The following FKBP15 variants were observed in gnomAD, a reference collection of about 807,000 sequenced individuals.
FKBP15 encodes FK506-binding protein 15.
Under a neutral mutation model 158.1 loss-of-function variants are expected in FKBP15, and 106 were observed. The ratio of observed to expected loss-of-function variants is 0.67; its 90% confidence interval spans 0.57 to 0.79. FKBP15 has a LOEUF of 0.79. Among genes scored for constraint, FKBP15 ranks in the 30% least tolerant of loss-of-function variants. FKBP15 has a pLI of 0.00. For synonymous variants in FKBP15, 547 were observed against 548.6 expected, an observed-to-expected ratio of 1.00 and a Z score of 0.04; for missense variants, 1,287 against 1,479.1, an observed-to-expected ratio of 0.87 and a Z score of 2.13.
chr9:113,186,070 T>G (rs1402148266), intron 15 of FKBP15, among the ~76,000 whole-genome samples, 179 bp downstream of exon 15: 4 of 152,348 alleles, frequency 2.6e-5, no homozygotes, highest in Non-Finnish European at 5.9e-5. Flanking sequence ...CTAAAACACT[T>G]TTGAATTGCA....
In FKBP15 at chr9:113,194,067, G is replaced by C; in HGVS notation, c.967C>G (p.Pro323Ala). The stretch of plus-strand genomic sequence containing the variant: ...ATTGATGTGGGTGGTGACACAACAG[G>C]ATCAGCAGAGAGGTTGTCAGCACCA... ...IPGADNLSAD[P>A]VVSPPTSIPF... Residue 323 changes from proline to alanine, a missense_variant, in exon 10 of 28, where the codon CCT (proline) becomes GCT (alanine). By Grantham distance (27) the Pro-to-Ala change is conservative (BLOSUM62 -1). Transcript: ENST00000238256. The C allele has an allele frequency of 6.2e-7, 1 of 1,613,470 alleles. No homozygotes were observed. Among genetic ancestry groups the C allele is most frequent in the Non-Finnish European group, 8.5e-7 (1 of 1,179,550 alleles).
intron 25 of FKBP15, 93 bp downstream of exon 25, chr9:113,170,429 C>T (rs1330491676): frequency 1.0e-6 from 1 of 958,428 alleles, no homozygotes; most frequent in African/African-American, 1.6e-5. Flanking sequence ...ACTGTGCCAG[C>T]TTTGAACAAT....
chr9:113,186,623 G>A (rs770744183), intron 14 of FKBP15: 43 of 374,108 alleles, frequency 1.1e-4, no homozygotes, highest in Non-Finnish European at 1.8e-4. Context: ...CCAGTCATCT[G>A]GTGAGATAAT....
chr9:113,163,032 C>G lies in FKBP15; in HGVS notation c.*3046G>C, dbSNP rs1462835692. 9.4e-7 allele frequency: 1 copy of G among 1,064,226 alleles called. No homozygotes were observed. Among genetic ancestry groups the G allele is most frequent in the Non-Finnish European group, 1.3e-6 (1 of 778,316 alleles). The allele number at this position is 1,064,226 out of a possible 1,614,324, so 65.9% of individuals were successfully genotyped here. A position where few individuals can be genotyped will look rare whatever the true frequency, so the allele number is the denominator to read the frequency against. ...GCTATTCCTCCACCTTATTCCCAGC[C>G]CCTGGAAACTTTGAGCTGAAGCCAG... On this transcript the variant is annotated 3_prime_UTR_variant, in exon 28 of 28. Transcript: ENST00000238256.
At chr9:113,207,164 C>G in intron 3 of FKBP15, 48 bp downstream of exon 3, 1 of 1,470,324 alleles carries the variant, frequency 6.8e-7, no homozygotes, top group Non-Finnish European at 9.5e-7. Flanking sequence ...AGCTTAACTG[C>G]ACGCCCTTCC....
At chr9:113,199,013 A>G (rs1366749702) in intron 7 of FKBP15, 90 bp from the exon 8 acceptor site, 1 of 837,296 alleles carries the variant, frequency 1.2e-6, no homozygotes, top group Non-Finnish European at 2.0e-6. Context: ...CCAGCACACT[A>G]CTTCTGGAAT....
Position 113,211,589 on chromosome 9 carries a change from G to A in FKBP15, c.57C>T (p.Ala19=), listed in dbSNP as rs779140151. Residue 19 remains alanine, a synonymous_variant, in exon 2 of 28, where the codon GCC becomes GCT. Transcript: ENST00000238256. ...DTDFLSPSGG[A]RLASLFGLDQ... The stretch of plus-strand genomic sequence containing the variant: ...CCAGTCCAAAAAGTGAGGCCAATCT[G>A]GCACTGTTAGTAGAAAATGAAAAAT... 12 of 1,591,638 alleles carry A rather than the reference G, an allele frequency of 7.5e-6. No individual in the cohort carries two copies. The Admixed American group carries it at 1.6e-4, about 21-fold the overall frequency.
chr9:113,173,828 C>A (rs112113419), intron 22 of FKBP15, among the ~76,000 whole-genome samples: 1 of 152,148 alleles, frequency 6.6e-6, no homozygotes, highest in Non-Finnish European at 1.5e-5. Flanking sequence ...CAAAAGTGTG[C>A]CTATCTAGAT....
chr9:113,207,263 G>A lies in FKBP15; in HGVS notation c.203C>T (p.Thr68Ile). ...GACCAGTATTGTGGGAGTGCTCATG[G>A]TGGCTGGTGCTGTTTTTGGTGTTGC... The part of the protein sequence containing the change: ...NQATPKTAPA[T>I]MSTPTILVAT... Residue 68 changes from threonine to isoleucine, a missense_variant, in exon 3 of 28, where the codon ACC (threonine) becomes ATC (isoleucine). Transcript: ENST00000238256. The A allele has an allele frequency of 6.2e-7, 1 of 1,613,384 alleles. No homozygotes were observed. Among genetic ancestry groups the A allele is most frequent in the Non-Finnish European group, 8.5e-7 (1 of 1,179,654 alleles).
intron 2 of FKBP15, among the ~76,000 whole-genome samples, chr9:113,209,084 TA>T (rs1487161632): frequency 2.0e-5 from 3 of 151,532 alleles, no homozygotes; most frequent in Non-Finnish European, 4.4e-5. Flanking sequence ...TGTAAATGCC[TA>T]AAGAAAACTG....
intron 19 of FKBP15, among the ~76,000 whole-genome samples, chr9:113,179,871 T>C (rs374955889): frequency 5.9e-5 from 9 of 152,232 alleles, no homozygotes; most frequent in Admixed American, 4.6e-4. Context: ...ATACTTATTT[T>C]TGCTATTCAG....
At chr9:113,213,873 G>C (rs1234586737) in intron 1 of FKBP15, among the ~76,000 whole-genome samples, 1 of 152,190 alleles carries the variant, frequency 6.6e-6, no homozygotes, top group African/African-American at 2.4e-5. Flanking sequence ...TCAGCCAAGA[G>C]CCAACCTTGT....
intron 2 of FKBP15, among the ~76,000 whole-genome samples, chr9:113,207,974 T>C (rs1181280729): frequency 6.6e-6 from 1 of 152,218 alleles, no homozygotes; most frequent in Non-Finnish European, 1.5e-5. Context: ...AATAAAGTTA[T>C]TTCCCCTTCC....
chr9:113,206,658 G>T, intron 3 of FKBP15, 80 bp from the exon 4 acceptor site: 1 of 760,774 alleles, frequency 1.3e-6, no homozygotes, highest in Non-Finnish European at 2.0e-6. Flanking sequence ...TCATACAGAA[G>T]TGGGAACAAC....
intron 20 of FKBP15, 136 bp downstream of exon 20, chr9:113,178,494 C>T (rs1392097094): frequency 2.3e-5 from 18 of 792,832 alleles, no homozygotes; most frequent in Non-Finnish European, 3.5e-5. Context: ...AGGTTTTATA[C>T]TAGTCTCCTT....
In FKBP15 at chr9:113,190,428, C is replaced by G. The variant is rs112547187; in HGVS notation, c.1173+43G>C. On this transcript the variant is annotated intron_variant, in intron 12 of 27. Coordinates refer to ENST00000238256, the MANE Select transcript of FKBP15 (RefSeq NM_015258.2). Reference sequence around the variant, plus strand: ...AACCAAATGAAAAGAAAGATGATGGCGACATCTGTACTATTCATTCTAATA... The same window carrying G: ...AACCAAATGAAAAGAAAGATGATGGGGACATCTGTACTATTCATTCTAATA... 3,067 of 1,424,692 alleles carry G rather than the reference C, an allele frequency of 2.2e-3. 61 individuals are homozygous for G. The African/African-American group carries it at 0.039, about 18-fold the overall frequency. The allele number at this position is 1,424,692 out of a possible 1,614,324, so 88.3% of individuals were successfully genotyped here.
chr9:113,215,722 T>C (rs1939042704), intron 1 of FKBP15, among the ~76,000 whole-genome samples: 1 of 141,272 alleles, frequency 7.1e-6, no homozygotes, highest in Admixed American at 7.6e-5. Context: ...CAATCTCGGC[T>C]CACTACAACC....
At position 113,194,971 on chromosome 9, in the gene FKBP15, T is replaced by A. The variant is rs979755978; in HGVS notation, c.865-802A>T. On this transcript the variant is annotated intron_variant, in intron 9 of 27. Coordinates refer to ENST00000238256, the MANE Select transcript of FKBP15 (RefSeq NM_015258.2). ...TTTGTATATGTATTTTTGTATATAA[T>A]CTTAAATATTTCCAAACTATAAATT... Among the ~76,000 whole-genome samples the A allele has an allele frequency of 2.6e-5, 4 of 152,366 alleles. No homozygotes were observed. The East Asian group carries it at 7.7e-4, about 29-fold the overall frequency.
At chr9:113,205,934 T>C (rs1250828281) in intron 4 of FKBP15, 1 of 152,296 alleles carries the variant, frequency 6.6e-6, no homozygotes, top group East Asian at 1.9e-4. Flanking sequence ...CAAATACTGT[T>C]ATGATTCCAC....
Sources: allele counts gnomAD v4.1 joint callset (sites outside exome capture counted in the v4.1 genomes callset), GRCh38; gene constraint gnomAD v4.1.1; transcripts MANE v1.5; gene names NCBI Gene and HGNC (gene_info 2026-07-23, HGNC 2026-07-21).